The following PFKFB3 variants were observed in gnomAD, a reference collection of about 807,000 sequenced individuals.
The protein encoded by PFKFB3 is 6-phosphofructo-2-kinase/fructose-2,6-biphosphatase 3, also known as 6-phosphofructo-2-kinase/fructose-2,6-bisphosphatase 3.
In PFKFB3, 33 loss-of-function variants were observed where a neutral mutation model predicts 68.0. That is an observed-to-expected ratio of 0.49 (90% CI 0.37 to 0.65). The LOEUF (loss-of-function observed/expected upper bound fraction) is 0.65. PFKFB3 is among the 30% of genes least tolerant of loss of function. PFKFB3 has a pLI of 0.00. For missense variants in PFKFB3, 586 were observed against 712.2 expected, an observed-to-expected ratio of 0.82 and a Z score of 2.02; for synonymous variants, 315 against 288.2, an observed-to-expected ratio of 1.09 and a Z score of -0.94.
rs1208717413 is a variant in PFKFB3, at chr10:6,228,740, C to T, written c.1515+2375C>T. ...CTGAGCCTCTCCCTCCCCATGAGGA[C>T]CCCCCACACCCCAAAAGAGCTCCGA... On this transcript the variant is annotated intron_variant, in intron 14 of 14. Coordinates refer to ENST00000379775, the MANE Select transcript of PFKFB3 (RefSeq NM_004566.4). This position sits in a 1 kb window ranked among gnomAD's most constrained non-coding sequence, Gnocchi z 4.5. Among the ~76,000 whole-genome samples, 1 of 152,140 alleles carries T rather than the reference C, an allele frequency of 6.6e-6. No homozygotes were observed. The highest frequency in any genetic ancestry group is 1.5e-5 in the Non-Finnish European group (1 of 68,026).
chr10:6,163,681 CGGGGGCGTGGCGGG>C (rs1249207403), intron 1 of PFKFB3, among the ~76,000 whole-genome samples: 7 of 95,630 alleles, frequency 7.3e-5, no homozygotes, highest in Non-Finnish European at 1.4e-4. Flanking sequence ...GCGGGCCCGA[CGGGGGCGTGGCGGG>C]ACCGGCGGGG....
At chr10:6,242,182 C>CT (rs1378769156) in intron 14 of PFKFB3, among the ~76,000 whole-genome samples, 1 of 152,162 alleles carries the variant, frequency 6.6e-6, no homozygotes, top group Non-Finnish European at 1.5e-5. Context: ...TCCTTTTACA[C>CT]TTATTTGTAA....
chr10:6,252,880 C>A (rs960996457), intron 14 of PFKFB3, among the ~76,000 whole-genome samples: 1 of 152,092 alleles, frequency 6.6e-6, no homozygotes, highest in Admixed American at 6.6e-5. Context: ...GATAAAAGGA[C>A]CTTTCTGTTT....
the PFKFB3 span, chr10:6,326,480 A>G: frequency 6.7e-6 from 3 of 447,440 alleles, no homozygotes; most frequent in African/African-American, 2.0e-5. Flanking sequence ...GGTCTATAAT[A>G]AACACAAGCA....
At chr10:6,307,172 C>T in the PFKFB3 span, among the ~76,000 whole-genome samples, 5 of 152,162 alleles carry the variant, frequency 3.3e-5, no homozygotes, top group African/African-American at 1.2e-4. Flanking sequence ...GCAATGGCCT[C>T]GAACCTGAGC....
At chr10:6,182,543 C>G (rs894605205) in intron 1 of PFKFB3, among the ~76,000 whole-genome samples, 1 of 152,244 alleles carries the variant, frequency 6.6e-6, no homozygotes, top group African/African-American at 2.4e-5. Flanking sequence ...GCCAGGTCTC[C>G]ACGCCAGCAC....
the PFKFB3 span, among the ~76,000 whole-genome samples, chr10:6,262,316 G>A: frequency 4.0e-5 from 6 of 151,180 alleles, no homozygotes; most frequent in Admixed American, 3.3e-4. Flanking sequence ...TAGCCGGGTG[G>A]GGTGGGGGGT....
chr10:6,293,199 C>G, the PFKFB3 span: 44 of 471,716 alleles, frequency 9.3e-5, no homozygotes, highest in Middle Eastern at 7.9e-4. Flanking sequence ...GTAATAGTAA[C>G]TCGAGTCCCA....
chr10:6,210,356 G>GTTT lies in PFKFB3; in HGVS notation c.77-3262_77-3260dup, dbSNP rs762723368. ...TCTTTGTTTTTTTTTGTTTTTTTTT[G>GTTT]TTTTTTTGTTTTTTTTTTTTTTGAG... On this transcript the variant is annotated intron_variant, in intron 1 of 14. Transcript: ENST00000379775. Among the ~76,000 whole-genome samples the GTTT allele has an allele frequency of 1.2e-3, 55 of 44,464 alleles. 2 individuals carry two copies. Among genetic ancestry groups the GTTT allele is most frequent in the African/African-American group, 2.4e-3 (52 of 21,534 alleles). The allele number at this position is 44,464 out of a possible 152,430, so 29.2% of individuals were successfully genotyped here. A position where few individuals can be genotyped will look rare whatever the true frequency, so the allele number is the denominator to read the frequency against.
chr10:6,201,197 C>A (rs1379817934), upstream of PFKFB3, among the ~76,000 whole-genome samples: 1 of 151,760 alleles, frequency 6.6e-6, no homozygotes, highest in Non-Finnish European at 1.5e-5. The surrounding 1 kb of genome is among the most constrained non-coding windows in gnomAD (Gnocchi z 4.1). Flanking sequence ...GGCGCGGGCG[C>A]TCGCTGCCTG....
At chr10:6,175,662 CAAGT>C (rs1842443211) in intron 1 of PFKFB3, among the ~76,000 whole-genome samples, 2 of 152,280 alleles carry the variant, frequency 1.3e-5, no homozygotes, top group South Asian at 4.1e-4. Flanking sequence ...AAATCCAAAC[CAAGT>C]AAGCCAAAAA....
At chr10:6,270,766 G>T in the PFKFB3 span, among the ~76,000 whole-genome samples, 1 of 152,146 alleles carries the variant, frequency 6.6e-6, no homozygotes, top group Non-Finnish European at 1.5e-5. Flanking sequence ...AGGACACCCA[G>T]AGTTGCAGTT....
intron 14 of PFKFB3, 76 bp downstream of exon 14, chr10:6,226,441 G>T: frequency 7.0e-7 from 1 of 1,435,548 alleles, no homozygotes; most frequent in Non-Finnish European, 9.5e-7. Context: ...GATTGCGTGC[G>T]TGTGTGTTTG....
At chr10:6,218,337 G>T (rs1844727416) in intron 6 of PFKFB3, among the ~76,000 whole-genome samples, 1 of 95,822 alleles carries the variant, frequency 1.0e-5, no homozygotes, top group Non-Finnish European at 2.2e-5. Context: ...CCAGGCATTT[G>T]TGAACTTAGA....
chr10:6,188,898 G>C (rs1003459783), intron 1 of PFKFB3, among the ~76,000 whole-genome samples: 30 of 144,182 alleles, frequency 2.1e-4, no homozygotes, highest in Admixed American at 1.8e-3. Flanking sequence ...GCAGTGGCGC[G>C]ATCTCGGCTC....
At chr10:6,206,823 TCCTCACTTCCCAGACGGGGTGGC>T (rs1843772226) in intron 1 of PFKFB3, among the ~76,000 whole-genome samples, 3 of 19,528 alleles carry the variant, frequency 1.5e-4, no homozygotes, top group South Asian at 2.3e-3. Flanking sequence ...GCAGAGACGC[TCCTCACTTCCCAGACGGGGTGGC>T]GGCCGGGCAG....
intron 1 of PFKFB3, among the ~76,000 whole-genome samples, chr10:6,148,247 GTGGCACTGGTTGACCTCC>G (rs774043975): frequency 6.0e-4 from 91 of 152,242 alleles, no homozygotes; most frequent in Non-Finnish European, 1.0e-3. Context: ...TGGAGAGGGT[GTGGCACTGGTTGACCTCC>G]TGGACTGTCA....
chr10:6,311,127 G>A, the PFKFB3 span, among the ~76,000 whole-genome samples: 2 of 152,276 alleles, frequency 1.3e-5, no homozygotes, highest in East Asian at 1.9e-4. Flanking sequence ...TGAAGCGCAC[G>A]CTTTGTGGTT....
At chr10:6,298,932 T>G in the PFKFB3 span, among the ~76,000 whole-genome samples, 925 of 152,296 alleles carry the variant, frequency 6.1e-3, 14 homozygotes, top group African/African-American at 0.021. Flanking sequence ...GATTCTAAGC[T>G]CCTTGAGGAC....
Sources: gnomAD v4.1 joint callset for allele counts (sites outside exome capture counted in the v4.1 genomes callset) on GRCh38, gnomAD v4.1.1 for gene constraint, Gnocchi (gnomAD v3.1) non-coding constraint, MANE v1.5 for transcripts, NCBI Gene and HGNC (gene_info 2026-07-23, HGNC 2026-07-21) for gene names.